The following FBXO41 variants were observed in gnomAD, a reference collection of about 807,000 sequenced individuals.
FBXO41 encodes F-box only protein 41.
In FBXO41, 33 loss-of-function variants were observed where a neutral mutation model predicts 81.6. The ratio of observed to expected loss-of-function variants is 0.40; its 90% CI spans 0.31 to 0.54. The LOEUF (loss-of-function observed/expected upper bound fraction) is 0.54, where lower values mean the gene tolerates loss of function less well. Among genes scored for constraint, FBXO41 ranks in the 20% least tolerant of loss-of-function variants. FBXO41 has a pLI of 0.39. For synonymous variants in FBXO41, 576 were observed against 552.7 expected (o/e 1.04, Z -0.59); for missense variants, 1,107 against 1,236.0 (o/e 0.90, Z 1.56).
intron 9 of FBXO41, among the ~76,000 whole-genome samples, chr2:73,263,001 T>G (rs1688073320): frequency 6.6e-6 from 1 of 152,222 alleles, no homozygotes; most frequent in Non-Finnish European, 1.5e-5. Flanking sequence ...CGACTCAGCC[T>G]CTCAAAGTGC....
intron 1 of FBXO41, among the ~76,000 whole-genome samples, chr2:73,270,560 C>T (rs1688462488): frequency 6.6e-6 from 1 of 152,154 alleles, no homozygotes. Context: ...CCACATCCTC[C>T]TATCCCTACT....
chr2:73,264,588 G>C, intron 5 of FBXO41, 69 bp from the exon 6 acceptor site: 1 of 1,591,538 alleles, frequency 6.3e-7, no homozygotes, highest in Non-Finnish European at 8.5e-7. Context: ...TGTGTGGGGA[G>C]CTGGGGCAGG....
At chr2:73,275,898 C>T (rs187610775) in intron 1 of FBXO41, among the ~76,000 whole-genome samples, 11 of 149,984 alleles carry the variant, frequency 7.3e-5, no homozygotes, top group Admixed American at 3.3e-4. Flanking sequence ...GTGATTCTCC[C>T]GCCTCAGCCT....
chr2:73,265,653 G>A lies in FBXO41; in HGVS notation c.1206-13C>T, dbSNP rs1052067430. 1.7e-5 allele frequency: 25 copies of A among 1,494,054 alleles called. No homozygotes were observed. Among genetic ancestry groups the A allele is most frequent in the Non-Finnish European group, 2.2e-5 (25 of 1,120,712 alleles). 92.5% of individuals were successfully genotyped at this position (1,494,054 alleles called of 1,614,324 possible). A position where few individuals can be genotyped will look rare whatever the true frequency, so the allele number is the denominator to read the frequency against. On this transcript the variant is annotated splice_polypyrimidine_tract_variant and intron_variant, in intron 4 of 12. Coordinates refer to ENST00000520530, the MANE Select transcript of FBXO41 (RefSeq NM_001371389.2). ...ACGGCTGGAGGCCCTGGGGCAGGGTGGACCACACAGTAAGGGGTAAGAGGC... is the reference window on the plus strand; with the variant it reads ...ACGGCTGGAGGCCCTGGGGCAGGGTAGACCACACAGTAAGGGGTAAGAGGC...
chr2:73,282,628 G>A (rs951315446), intron 1 of FBXO41, among the ~76,000 whole-genome samples: 4 of 152,226 alleles, frequency 2.6e-5, no homozygotes, highest in Middle Eastern at 3.4e-3. Context: ...GCTTGGGCCC[G>A]GAAGGTCAAG....
In FBXO41 at chr2:73,255,380, A is replaced by G. The variant is rs1357199219; in HGVS notation, c.*3602T>C. The G allele has an allele frequency of 6.6e-6, 1 of 152,658 alleles. No individual in the cohort carries two copies. Among genetic ancestry groups the G allele is most frequent in the African/African-American group, 2.4e-5 (1 of 41,466 alleles). The allele number at this position is 152,658 out of a possible 1,614,324, so 9.5% of individuals were successfully genotyped here. Reference sequence around the variant, plus strand: ...TGCAGATGAACACACTTGTCCAGGAATACATACATACACACAATACACAGC... The same window carrying G: ...TGCAGATGAACACACTTGTCCAGGAGTACATACATACACACAATACACAGC... On this transcript the variant is annotated 3_prime_UTR_variant, in exon 13 of 13. Transcript: ENST00000520530.
rs1687917951 is a variant in FBXO41, at chr2:73,259,091, G to A, written c.2566-47C>T. On this transcript the variant is annotated intron_variant, in intron 12 of 12. Coordinates refer to ENST00000520530, the MANE Select transcript of FBXO41 (RefSeq NM_001371389.2). The surrounding 1 kb of genome is among the most constrained non-coding windows in gnomAD (Gnocchi z 4.2). ...AGTTCTCCCTCCGTGCCAGGCAGGT[G>A]GGGCCCTCCTGCCACACTCACCCAG... The A allele has an allele frequency of 6.2e-7, 1 of 1,608,236 alleles. No homozygotes were observed. Among genetic ancestry groups the A allele is most frequent in the South Asian group, 1.1e-5 (1 of 90,496 alleles).
Position 73,259,113 on chromosome 2 carries a change from C to T in FBXO41, c.2565+68G>A, listed in dbSNP as rs1687918668. On this transcript the variant is annotated intron_variant, in intron 12 of 12. Transcript: ENST00000520530. This position sits in a 1 kb window ranked among gnomAD's most constrained non-coding sequence, Gnocchi z 4.2. Reference sequence around the variant, plus strand: ...GGTGGGGCCCTCCTGCCACACTCACCCAGGTCACCAGCCCCAGTCTAGGGA... The same window carrying T: ...GGTGGGGCCCTCCTGCCACACTCACTCAGGTCACCAGCCCCAGTCTAGGGA... 3.7e-6 allele frequency: 6 copies of T among 1,610,180 alleles called. No individual in the cohort carries two copies. Among genetic ancestry groups the T allele is most frequent in the Non-Finnish European group, 5.1e-6 (6 of 1,177,286 alleles).
Position 73,260,099 on chromosome 2 carries a change from A to G in FBXO41, c.2449+290T>C, listed in dbSNP as rs1435678635. Among the ~76,000 whole-genome samples the G allele has an allele frequency of 6.6e-6, 1 of 152,120 alleles. No individual in the cohort carries two copies. The highest frequency in any genetic ancestry group is 1.5e-5 in the Non-Finnish European group (1 of 68,008). On this transcript the variant is annotated intron_variant, in intron 11 of 12. Transcript: ENST00000520530. The surrounding 1 kb of genome is among the most constrained non-coding windows in gnomAD (Gnocchi z 5.0). ...GTCCTTGGGGGGGCTTCCATATATC[A>G]TCTCATTTAATCCTCTCACCCATCC... is the stretch of plus-strand genomic sequence containing the variant.
Position 73,269,532 on chromosome 2 carries a change from G to A in FBXO41, c.99C>T (p.His33=), listed in dbSNP as rs1188355580. The change falls in exon 2 of 13, where the codon CAC becomes CAT. Residue 33 remains histidine (H), a synonymous_variant. Coordinates refer to ENST00000520530, the MANE Select transcript of FBXO41 (RefSeq NM_001371389.2). The surrounding 1 kb of genome is among the most constrained non-coding windows in gnomAD (Gnocchi z 7.0). ...AGAGGATGTAGAGCGTCTCGTAGGT[G>A]TGGCTGTACTCCAGGTGCGCGCGCA... ...SSLRAHLEYS[H]TYETLYILSK... 18 of 1,371,968 alleles carry A rather than the reference G, an allele frequency of 1.3e-5. No homozygotes were observed. The highest frequency in any genetic ancestry group is 3.1e-5 in the African/African-American group (2 of 65,344). The allele number at this position is 1,371,968 out of a possible 1,614,324, so 85.0% of individuals were successfully genotyped here.
In FBXO41 at chr2:73,258,883, T is replaced by G. The variant is rs1687908223; in HGVS notation, c.*99A>C. The G allele has an allele frequency of 7.8e-7, 1 of 1,289,372 alleles. No individual in the cohort carries two copies. The highest frequency in any genetic ancestry group is 1.0e-6 in the Non-Finnish European group (1 of 953,194). 79.9% of individuals were successfully genotyped at this position (1,289,372 alleles called of 1,614,324 possible). A position where few individuals can be genotyped will look rare whatever the true frequency, so the allele number is the denominator to read the frequency against. ...CCCCTCCAGAAGCCAGGGATAACAC[T>G]CGGCCTCCAAAGGTCTAGTCCAAAC... On this transcript the variant is annotated 3_prime_UTR_variant, in exon 13 of 13. Transcript: ENST00000520530.
rs764668422 is a variant in FBXO41 at position 73,260,835 on chromosome 2, T to C, written c.2195A>G (p.Asn732Ser). 2.6e-5 allele frequency: 41 copies of C among 1,567,952 alleles called. No individual in the cohort carries two copies. The highest frequency in any genetic ancestry group is 8.1e-5 in the African/African-American group (6 of 74,082). The change falls in exon 10 of 13, where the codon AAC becomes AGC. Residue 732 changes from asparagine to serine, a missense_variant. This residue lies in a region of FBXO41 where 336 missense variants were observed against 446.7 expected (regional missense o/e 0.75). Coordinates refer to ENST00000520530, the MANE Select transcript of FBXO41 (RefSeq NM_001371389.2). This position sits in a 1 kb window ranked among gnomAD's most constrained non-coding sequence, Gnocchi z 5.0. ...HPCQQPTRFSNRCLQMIGRCW... is the reference protein window; with the variant it reads ...HPCQQPTRFSSRCLQMIGRCW... Reference sequence around the variant, plus strand: ...GCGACCAATCATCTGCAGGCAGCGGTTACTGAAGCGTGTGGGCTGCTGGCT... The same window carrying C: ...GCGACCAATCATCTGCAGGCAGCGGCTACTGAAGCGTGTGGGCTGCTGGCT...
intron 9 of FBXO41, among the ~76,000 whole-genome samples, chr2:73,261,887 GAAC>G: frequency 6.6e-6 from 1 of 152,168 alleles, no homozygotes; most frequent in Non-Finnish European, 1.5e-5. Flanking sequence ...TCTGCCTTGA[GAAC>G]AACCCATCTG....
chr2:73,266,574 A>G lies in FBXO41; in HGVS notation c.1014T>C (p.Arg338=). ...TGATGACCTGCAGCTGCCGCTCGGC[A>G]CGGTCAGCCCGCTCAAGGAGCTCCT... ...FIEELLERAD[R]AERQLQVISS... The change falls in exon 3 of 13, where the codon CGT becomes CGC. Residue 338 remains arginine, a synonymous_variant. Coordinates refer to ENST00000520530, the MANE Select transcript of FBXO41 (RefSeq NM_001371389.2). This position sits in a 1 kb window ranked among gnomAD's most constrained non-coding sequence, Gnocchi z 5.3. 1 of 1,611,046 alleles carries G rather than the reference A, an allele frequency of 6.2e-7. No homozygotes were observed. The highest frequency in any genetic ancestry group is 8.5e-7 in the Non-Finnish European group (1 of 1,179,060).
At position 73,255,959 on chromosome 2, in the gene FBXO41, CTT is replaced by C. The variant is rs1687794810; in HGVS notation, c.*3021_*3022del. On this transcript the variant is annotated 3_prime_UTR_variant, in exon 13 of 13. Transcript: ENST00000520530. ...TGCTGGGCTGGGCAGGCCACCCACT[CTT>C]TATTCCTGCAGGGATGCATATAAGT... The C allele has an allele frequency of 6.6e-6, 1 of 152,256 alleles. No individual in the cohort carries two copies. Among genetic ancestry groups the C allele is most frequent in the South Asian group, 2.1e-4 (1 of 4,836 alleles). 9.4% of individuals were successfully genotyped at this position (152,256 alleles called of 1,614,324 possible). A position where few individuals can be genotyped will look rare whatever the true frequency, so the allele number is the denominator to read the frequency against.
rs370275219 is a variant in FBXO41 at position 73,265,431 on chromosome 2, C to T, written c.1415G>A (p.Arg472His). The T allele has an allele frequency of 4.0e-5, 65 of 1,607,934 alleles. No homozygotes were observed. The African/African-American group carries it at 5.7e-4, about 14-fold the overall frequency. ...CTCAGTGCTGTGTCGGCGGGGTCTGCGCTGCCAGTTCTGGATGGCCTGGCG... is the reference window on the plus strand; with the variant it reads ...CTCAGTGCTGTGTCGGCGGGGTCTGTGCTGCCAGTTCTGGATGGCCTGGCG... ...LRRQAIQNWQ[R>H]RPRRHSTEGE... Residue 472 changes from arginine (R) to histidine (H), a missense_variant, in exon 5 of 13, where the codon CGC becomes CAC. Around this residue, in one of 2 missense-constraint regions of FBXO41, gnomAD observed 771 missense variants for 789.2 expected, o/e 0.98. Coordinates refer to ENST00000520530, the MANE Select transcript of FBXO41 (RefSeq NM_001371389.2).
chr2:73,281,513 A>G (rs548339434), intron 1 of FBXO41, among the ~76,000 whole-genome samples: 78 of 152,348 alleles, frequency 5.1e-4, no homozygotes, highest in African/African-American at 1.9e-3. Flanking sequence ...TGCAAGCCTG[A>G]TGCAGGCAGA....
At position 73,269,356 on chromosome 2, in the gene FBXO41, T is replaced by C. The variant is rs1688407139; in HGVS notation, c.275A>G (p.Lys92Arg). 6.6e-7 allele frequency: 1 copy of C among 1,512,002 alleles called. No homozygotes were observed. The highest frequency in any genetic ancestry group is 1.5e-5 in the African/African-American group (1 of 68,616). The allele number at this position is 1,512,002 out of a possible 1,614,324, so 93.7% of individuals were successfully genotyped here. The stretch of plus-strand genomic sequence containing the variant: ...GGGCGACGGCCCGGCCGCCTGCTCC[T>C]TGCCCTGGAAGGAAGTGCTCTCGAA... ...EVFESTSFQG[K>R]EQAAGPSPAA... The change falls in exon 2 of 13, where the codon AAG (lysine) becomes AGG (arginine). Residue 92 changes from lysine (K) to arginine (R), a missense_variant. Coordinates refer to ENST00000520530, the MANE Select transcript of FBXO41 (RefSeq NM_001371389.2). The surrounding 1 kb of genome is among the most constrained non-coding windows in gnomAD (Gnocchi z 7.0).
chr2:73,266,686 G>T lies in FBXO41; in HGVS notation c.906-4C>A. ...CTGGTCGATCTGCACCACCTCCCTG[G>T]GCCCAGAGCAGTCTCTTACCCCAGA... On this transcript the variant is annotated splice_polypyrimidine_tract_variant and splice_region_variant and intron_variant, in intron 2 of 12. Coordinates refer to ENST00000520530, the MANE Select transcript of FBXO41 (RefSeq NM_001371389.2). This position sits in a 1 kb window ranked among gnomAD's most constrained non-coding sequence, Gnocchi z 5.3. 6.4e-7 allele frequency: 1 copy of T among 1,567,012 alleles called. No individual in the cohort carries two copies. Among genetic ancestry groups the T allele is most frequent in the Non-Finnish European group, 8.7e-7 (1 of 1,155,828 alleles).
Sources: allele counts gnomAD v4.1 joint callset (sites outside exome capture counted in the v4.1 genomes callset), GRCh38; gene constraint gnomAD v4.1.1; regional missense constraint gnomAD v4.1.1; non-coding constraint Gnocchi (gnomAD v3.1); transcripts MANE v1.5; gene names NCBI Gene and HGNC (gene_info 2026-07-23, HGNC 2026-07-21).